Variants in PDE3A observed in about 807,000 individuals in gnomAD.
PDE3A encodes the protein cGMP-inhibited 3',5'-cyclic phosphodiesterase 3A.
A neutral mutation model predicts 98.3 loss-of-function variants in PDE3A; 43 were observed. That is an observed-to-expected ratio of 0.44 (90% CI 0.34 to 0.56). The LOEUF (loss-of-function observed/expected upper bound fraction) is 0.56, where lower values mean the gene tolerates loss of function less well. PDE3A is among the 20% of genes least tolerant of loss of function. The pLI is 0.01. For missense variants in PDE3A, 1,427 were observed against 1,440.7 expected (o/e 0.99, Z 0.15); for synonymous variants, 663 against 567.9 (o/e 1.17, Z -2.38).
At chr12:20,457,119 A>G (rs1157707965) in intron 1 of PDE3A, among the ~76,000 whole-genome samples, 10 of 152,112 alleles carry the variant, frequency 6.6e-5, no homozygotes, top group Admixed American at 6.6e-4. Flanking sequence ...TAGCAAGAAA[A>G]TTTCAAGCAA....
chr12:20,655,794 T>A (rs1945028883), intron 15 of PDE3A, among the ~76,000 whole-genome samples: 1 of 152,150 alleles, frequency 6.6e-6, no homozygotes, highest in African/African-American at 2.4e-5. Flanking sequence ...ATTGAGAATA[T>A]GCTTGGGGTT....
At chr12:20,525,320 G>T (rs1261999338) in intron 1 of PDE3A, among the ~76,000 whole-genome samples, 1 of 152,164 alleles carries the variant, frequency 6.6e-6, no homozygotes, top group African/African-American at 2.4e-5. Flanking sequence ...TACTATTCTT[G>T]TTACTATCAT....
At chr12:20,376,827 G>A (rs1484767796) in intron 1 of PDE3A, among the ~76,000 whole-genome samples, 2 of 151,664 alleles carry the variant, frequency 1.3e-5, no homozygotes, top group Admixed American at 1.3e-4. Flanking sequence ...AGGTCATGAA[G>A]AACATTACCA....
intron 1 of PDE3A, among the ~76,000 whole-genome samples, chr12:20,371,903 A>G (rs1371441791): frequency 6.6e-6 from 1 of 152,216 alleles, no homozygotes; most frequent in Non-Finnish European, 1.5e-5. Flanking sequence ...TACACTATTC[A>G]TTAACTTATA....
chr12:20,667,292 G>GTATTTTTT (rs1945338834), intron 15 of PDE3A, among the ~76,000 whole-genome samples: 1 of 152,030 alleles, frequency 6.6e-6, no homozygotes, highest in African/African-American at 2.4e-5. Context: ...AGTCCCATTT[G>GTATTTTTT]TCTGTATTTG....
chr12:20,639,694 T>A, intron 9 of PDE3A, 152 bp from the exon 10 acceptor site: 1 of 494,752 alleles, frequency 2.0e-6, no homozygotes, highest in Non-Finnish European at 3.7e-6. Context: ...TTTTGATGAC[T>A]ATCATTTTAA....
intron 2 of PDE3A, among the ~76,000 whole-genome samples, chr12:20,585,422 T>C (rs915047249): frequency 1.3e-5 from 2 of 152,238 alleles, no homozygotes; most frequent in Non-Finnish European, 2.9e-5. Context: ...AGGTTATTCA[T>C]TTTCTTGCCT....
intron 1 of PDE3A, among the ~76,000 whole-genome samples, chr12:20,459,291 TA>T (rs1209713937): frequency 9.2e-5 from 14 of 152,176 alleles, no homozygotes; most frequent in African/African-American, 3.1e-4. Context: ...GGTAGACTTT[TA>T]TTGATATTTT....
intron 1 of PDE3A, among the ~76,000 whole-genome samples, chr12:20,542,387 G>A (rs1175152736): frequency 6.6e-6 from 1 of 151,476 alleles, no homozygotes; most frequent in African/African-American, 2.4e-5. Flanking sequence ...AGGAGTTTAA[G>A]TAGAGAATAT....
intron 1 of PDE3A, among the ~76,000 whole-genome samples, chr12:20,475,143 T>C (rs1945506337): frequency 6.6e-6 from 1 of 151,114 alleles, no homozygotes; most frequent in Non-Finnish European, 1.5e-5. Context: ...CATCTATCAC[T>C]TATACCAAAT....
At chr12:20,578,842 T>A (rs944916382) in intron 2 of PDE3A, among the ~76,000 whole-genome samples, 9 of 152,124 alleles carry the variant, frequency 5.9e-5, no homozygotes, top group African/African-American at 2.2e-4. Flanking sequence ...GCAGTTTCAT[T>A]TGATCACTTC....
At chr12:20,487,665 T>A (rs10841552) in intron 1 of PDE3A, among the ~76,000 whole-genome samples, 61,259 of 120,364 alleles carry the variant, frequency 0.51, 13,064 homozygotes, top group African/African-American at 0.55. Flanking sequence ...GAAAAAAAAA[T>A]AAATAAATAA....
chr12:20,644,772 C>T (rs962631454), intron 10 of PDE3A, among the ~76,000 whole-genome samples: 1 of 151,714 alleles, frequency 6.6e-6, no homozygotes, highest in Non-Finnish European at 1.5e-5. Context: ...CACAGGTATA[C>T]AAGTTTTGCT....
chr12:20,681,632 C>T lies in PDE3A; in HGVS notation c.*1361C>T, dbSNP rs1012609201. 5 of 152,260 alleles carry T rather than the reference C, an allele frequency of 3.3e-5. No individual in the cohort carries two copies. The highest frequency in any genetic ancestry group is 1.2e-4 in the African/African-American group (5 of 41,556). The allele number at this position is 152,260 out of a possible 1,614,324, so 9.4% of individuals were successfully genotyped here. A position where few individuals can be genotyped will look rare whatever the true frequency, so the allele number is the denominator to read the frequency against. Reference sequence around the variant, plus strand: ...CGCTGTTTGTTGGGGTAGCTTCCATCGGCAGTCTGGCCCATTGTCAGTCAT... The same window carrying T: ...CGCTGTTTGTTGGGGTAGCTTCCATTGGCAGTCTGGCCCATTGTCAGTCAT... On this transcript the variant is annotated 3_prime_UTR_variant, in exon 16 of 16. Coordinates refer to ENST00000359062, the MANE Select transcript of PDE3A (RefSeq NM_000921.5).
chr12:20,402,615 A>T (rs1405820332), intron 1 of PDE3A, among the ~76,000 whole-genome samples: 2 of 152,196 alleles, frequency 1.3e-5, no homozygotes, highest in Non-Finnish European at 1.5e-5. Context: ...TATTATATTG[A>T]ATGTATAGAA....
chr12:20,602,596 T>TTTG (rs1943617636), intron 2 of PDE3A, among the ~76,000 whole-genome samples: 1 of 152,170 alleles, frequency 6.6e-6, no homozygotes, highest in African/African-American at 2.4e-5. Flanking sequence ...ACTAATGAAG[T>TTTG]TTGTTATGTT....
chr12:20,575,179 A>G (rs909967650), intron 2 of PDE3A, among the ~76,000 whole-genome samples: 2 of 152,022 alleles, frequency 1.3e-5, no homozygotes. Flanking sequence ...GATGTCCTGT[A>G]TCTTATTTTT....
intron 2 of PDE3A, among the ~76,000 whole-genome samples, chr12:20,568,265 G>A (rs183888534): frequency 1.6e-4 from 24 of 151,972 alleles, no homozygotes; most frequent in South Asian, 1.0e-3. Flanking sequence ...AACATTTAGC[G>A]TTAAGTTCCT....
chr12:20,560,129 C>G (rs1442733632), intron 2 of PDE3A, among the ~76,000 whole-genome samples: 1 of 152,018 alleles, frequency 6.6e-6, no homozygotes, highest in Non-Finnish European at 1.5e-5. Context: ...GGTGACAATT[C>G]CAAAATGAAG....
Sources: allele counts gnomAD v4.1 joint callset (sites outside exome capture counted in the v4.1 genomes callset), GRCh38; gene constraint gnomAD v4.1.1; transcripts MANE v1.5; gene names NCBI Gene and HGNC (gene_info 2026-07-23, HGNC 2026-07-21).